SYT1: variants seen among roughly 807,000 people sequenced by gnomAD.
SYT1 encodes the protein synaptotagmin-1.
Under a neutral mutation model 44.8 loss-of-function variants are expected in SYT1, and 8 were observed. The observed-to-expected ratio is 0.18, with a 90% CI of 0.10 to 0.32. SYT1 has a LOEUF of 0.32. SYT1 is among the 10% of genes least tolerant of loss of function. The pLI is 1.00. For missense variants in SYT1, 286 were observed against 509.3 expected, an observed-to-expected ratio of 0.56 and a Z score of 4.22; for synonymous variants, 154 against 188.8, an observed-to-expected ratio of 0.82 and a Z score of 1.51.
At chr12:79,107,400 T>C (rs1371628919) in intron 3 of SYT1, among the ~76,000 whole-genome samples, 1 of 151,912 alleles carries the variant, frequency 6.6e-6, no homozygotes, top group East Asian at 1.9e-4. Context: ...AGTACAATGA[T>C]GCAACTATTA....
intron 8 of SYT1, among the ~76,000 whole-genome samples, chr12:79,326,493 A>G (rs890895498): frequency 3.9e-5 from 6 of 152,330 alleles, no homozygotes; most frequent in African/African-American, 1.2e-4. Flanking sequence ...GGATATTATT[A>G]CAGCAAACTT....
At chr12:79,300,232 C>A (rs1027551156) in intron 8 of SYT1, among the ~76,000 whole-genome samples, 1 of 152,104 alleles carries the variant, frequency 6.6e-6, no homozygotes, top group African/African-American at 2.4e-5. Context: ...TCTGATTATG[C>A]GATGCCTGCC....
At chr12:78,909,509 T>C (rs1401751346) in intron 1 of SYT1, among the ~76,000 whole-genome samples, 1 of 151,942 alleles carries the variant, frequency 6.6e-6, no homozygotes, top group African/African-American at 2.4e-5. Flanking sequence ...GGGACATGTA[T>C]ACCCCCTTCT....
At chr12:78,917,614 A>T (rs1876741882) in intron 1 of SYT1, among the ~76,000 whole-genome samples, 2 of 151,218 alleles carry the variant, frequency 1.3e-5, no homozygotes. Flanking sequence ...GTATAATAAA[A>T]AAATTTCAAA....
At chr12:79,043,404 CT>C (rs1873743464) in intron 2 of SYT1, among the ~76,000 whole-genome samples, 1 of 148,558 alleles carries the variant, frequency 6.7e-6, no homozygotes, top group Admixed American at 6.7e-5. Context: ...CTCTTTTGAT[CT>C]TTGTTGGTTT....
chr12:79,115,037 T>C (rs1239759607), intron 3 of SYT1, among the ~76,000 whole-genome samples: 1 of 152,198 alleles, frequency 6.6e-6, no homozygotes, highest in African/African-American at 2.4e-5. Flanking sequence ...CACTCTTTTC[T>C]CTTTAAAGTT....
At chr12:79,126,566 T>C (rs570768401) in intron 3 of SYT1, among the ~76,000 whole-genome samples, 1 of 152,280 alleles carries the variant, frequency 6.6e-6, no homozygotes, top group African/African-American at 2.4e-5. Context: ...GCCAAAAGTG[T>C]TTAATAATAT....
chr12:79,081,129 G>T (rs907653959), intron 3 of SYT1, among the ~76,000 whole-genome samples: 1 of 152,124 alleles, frequency 6.6e-6, no homozygotes, highest in East Asian at 1.9e-4. Context: ...CAGAGATCTT[G>T]GAAGAGCTAT....
chr12:79,132,100 A>G (rs1307147918), intron 3 of SYT1, among the ~76,000 whole-genome samples: 1 of 152,176 alleles, frequency 6.6e-6, no homozygotes, highest in African/African-American at 2.4e-5. Context: ...AAACAGAAAA[A>G]ATAAAGGAAT....
intron 8 of SYT1, among the ~76,000 whole-genome samples, chr12:79,307,236 G>A (rs1012511766): frequency 6.6e-5 from 10 of 152,104 alleles, no homozygotes; most frequent in African/African-American, 2.4e-4. Context: ...ATGAGGACTC[G>A]CTGAAAAACA....
intron 4 of SYT1, among the ~76,000 whole-genome samples, chr12:79,272,627 TG>T (rs1372748417): frequency 6.6e-6 from 1 of 152,124 alleles, no homozygotes; most frequent in Non-Finnish European, 1.5e-5. Context: ...AATACACTCC[TG>T]GAGTATAGAA....
At chr12:79,051,378 GTATT>G (rs1222563652) in intron 3 of SYT1, among the ~76,000 whole-genome samples, 4 of 149,140 alleles carry the variant, frequency 2.7e-5, no homozygotes, top group South Asian at 2.1e-4. Context: ...ATTTATATAG[GTATT>G]TATTTATTTA....
At chr12:79,279,151 T>A (rs1878907493) in intron 4 of SYT1, among the ~76,000 whole-genome samples, 1 of 151,872 alleles carries the variant, frequency 6.6e-6, no homozygotes, top group Admixed American at 6.6e-5. Flanking sequence ...CCTCCCTAAC[T>A]CATTCTACAA....
chr12:79,002,051 A>G (rs1482905197), intron 2 of SYT1, among the ~76,000 whole-genome samples: 1 of 152,160 alleles, frequency 6.6e-6, no homozygotes, highest in Non-Finnish European at 1.5e-5. Flanking sequence ...TAACTAAAAT[A>G]TTTAAGGAAA....
intron 2 of SYT1, among the ~76,000 whole-genome samples, chr12:78,982,693 C>T (rs189456640): frequency 9.9e-5 from 15 of 152,152 alleles, no homozygotes; most frequent in South Asian, 8.3e-4. Context: ...ATTTTCTAAA[C>T]GGTTTTGTTA....
intron 1 of SYT1, among the ~76,000 whole-genome samples, chr12:78,886,129 G>A (rs1034877693): frequency 2.0e-5 from 3 of 151,666 alleles, no homozygotes; most frequent in Non-Finnish European, 4.4e-5. Flanking sequence ...TATTATCCTG[G>A]GGCAAGTAAA....
At chr12:78,869,124 A>G (rs535279969) in intron 1 of SYT1, among the ~76,000 whole-genome samples, 2 of 151,974 alleles carry the variant, frequency 1.3e-5, no homozygotes, top group Admixed American at 1.3e-4. Flanking sequence ...TCAAGAAATG[A>G]TCAACATTTT....
intron 2 of SYT1, among the ~76,000 whole-genome samples, chr12:79,026,667 T>TTTTTATA (rs1298013189): frequency 2.0e-5 from 2 of 102,258 alleles, no homozygotes; most frequent in East Asian, 5.5e-4. Flanking sequence ...CATATATATT[T>TTTTTATA]TATATATATA....
intron 3 of SYT1, among the ~76,000 whole-genome samples, chr12:79,111,082 G>C (rs1328257103): frequency 1.3e-5 from 2 of 152,000 alleles, no homozygotes; most frequent in African/African-American, 4.8e-5. Flanking sequence ...AAAAATGAAG[G>C]ATGTTCTAAA....
Sources: gnomAD v4.1 joint callset for allele counts (sites outside exome capture counted in the v4.1 genomes callset) on GRCh38, gnomAD v4.1.1 for gene constraint, MANE v1.5 for transcripts, NCBI Gene and HGNC (gene_info 2026-07-23, HGNC 2026-07-21) for gene names.